CSGALNACT1: variants seen among roughly 807,000 people sequenced by gnomAD.
CSGALNACT1 encodes the protein chondroitin sulfate N-acetylgalactosaminyltransferase 1, also known as beta4GalNAcT-1.
Under a neutral mutation model 51.0 loss-of-function variants are expected in CSGALNACT1, and 52 were observed. The observed-to-expected ratio is 1.02, with a 90% CI of 0.82 to 1.29. The LOEUF is 1.29. CSGALNACT1 is among the 50% of genes most tolerant of loss of function. The probability of loss-of-function intolerance (pLI) is 0.00; values close to 1 mark genes in which losing one functional copy is unlikely to be tolerated. For missense variants in CSGALNACT1, 935 were observed against 679.2 expected (o/e 1.38, Z -4.19); for synonymous variants, 341 against 254.4 (o/e 1.34, Z -3.24).
intron 4 of CSGALNACT1, among the ~76,000 whole-genome samples, chr8:19,492,809 T>C (rs1235002897): frequency 6.6e-6 from 1 of 152,190 alleles, no homozygotes; most frequent in Admixed American, 6.5e-5. Context: ...TGGAAATTCA[T>C]CTTTATAGTA....
At chr8:19,583,787 G>C (rs1008275501) in intron 3 of CSGALNACT1, among the ~76,000 whole-genome samples, 7 of 152,106 alleles carry the variant, frequency 4.6e-5, no homozygotes, top group Admixed American at 1.3e-4. Context: ...TTTGGGGTTG[G>C]AACTGCCAAC....
At chr8:19,441,222 A>G (rs1175972293) in intron 5 of CSGALNACT1, among the ~76,000 whole-genome samples, 4 of 152,214 alleles carry the variant, frequency 2.6e-5, no homozygotes, top group African/African-American at 7.2e-5. Flanking sequence ...AAACTACTCT[A>G]AAGTTCATAT....
intron 1 of CSGALNACT1, among the ~76,000 whole-genome samples, chr8:19,672,652 T>G (rs1304874677): frequency 6.6e-6 from 1 of 152,206 alleles, no homozygotes; most frequent in Non-Finnish European, 1.5e-5. Context: ...TGCCTTACAC[T>G]GGTAACATAA....
At chr8:19,524,205 G>A (rs1038266689) in intron 3 of CSGALNACT1, among the ~76,000 whole-genome samples, 6 of 152,044 alleles carry the variant, frequency 3.9e-5, no homozygotes, top group African/African-American at 1.2e-4. Flanking sequence ...CAGGAGGATC[G>A]CTTGAGCCCA....
At chr8:19,581,421 A>C (rs1042532459) in intron 3 of CSGALNACT1, among the ~76,000 whole-genome samples, 2 of 152,208 alleles carry the variant, frequency 1.3e-5, no homozygotes, top group Non-Finnish European at 2.9e-5. Flanking sequence ...CCAAATTAAA[A>C]TGTTATATTT....
At chr8:19,520,044 G>T (rs961285402) in intron 3 of CSGALNACT1, among the ~76,000 whole-genome samples, 4 of 152,170 alleles carry the variant, frequency 2.6e-5, no homozygotes, top group African/African-American at 9.7e-5. Context: ...AGGTGAGAGG[G>T]GTTAAGAATG....
intron 1 of CSGALNACT1, among the ~76,000 whole-genome samples, chr8:19,630,045 T>C (rs1311156677): frequency 6.6e-6 from 1 of 152,106 alleles, no homozygotes; most frequent in East Asian, 1.9e-4. Context: ...ATGGATGCTA[T>C]GGCAGAGCAA....
At chr8:19,413,337 C>G (rs974515051) in intron 8 of CSGALNACT1, among the ~76,000 whole-genome samples, 1 of 152,144 alleles carries the variant, frequency 6.6e-6, no homozygotes, top group Non-Finnish European at 1.5e-5. Context: ...TAGTGTGGCA[C>G]TCGAGTTCTC....
At chr8:19,621,600 G>A (rs2053834350) in intron 1 of CSGALNACT1, among the ~76,000 whole-genome samples, 1 of 152,044 alleles carries the variant, frequency 6.6e-6, no homozygotes, top group African/African-American at 2.4e-5. Flanking sequence ...AACGTGGCAA[G>A]ACCCAGTCTC....
At chr8:19,512,010 C>T (rs1457952806) in intron 3 of CSGALNACT1, among the ~76,000 whole-genome samples, 1 of 152,246 alleles carries the variant, frequency 6.6e-6, no homozygotes, top group East Asian at 1.9e-4. Flanking sequence ...CACCAGGTCC[C>T]TCCCTCAATA....
intron 1 of CSGALNACT1, among the ~76,000 whole-genome samples, chr8:19,632,422 A>C (rs1350446106): frequency 2.0e-5 from 3 of 152,272 alleles, no homozygotes; most frequent in Admixed American, 1.3e-4. Context: ...TTAGGTGGCA[A>C]AGATGCCTAG....
At chr8:19,552,089 TA>T (rs1455262647) in intron 3 of CSGALNACT1, among the ~76,000 whole-genome samples, 1 of 152,086 alleles carries the variant, frequency 6.6e-6, no homozygotes, top group Admixed American at 6.6e-5. Flanking sequence ...TCAGATGGGA[TA>T]AAAAATAGTA....
chr8:19,433,630 G>A (rs1042342151), intron 6 of CSGALNACT1, among the ~76,000 whole-genome samples: 1 of 152,184 alleles, frequency 6.6e-6, no homozygotes, highest in Non-Finnish European at 1.5e-5. Flanking sequence ...ACAACCTTGT[G>A]AGTGGTGTCT....
intron 1 of CSGALNACT1, among the ~76,000 whole-genome samples, chr8:19,708,820 G>A (rs1271038399): frequency 1.3e-5 from 2 of 152,202 alleles, no homozygotes; most frequent in Admixed American, 1.3e-4. Flanking sequence ...AGGGGCAGGT[G>A]AGTGCTCCCT....
At chr8:19,579,250 C>T (rs535877800) in intron 3 of CSGALNACT1, among the ~76,000 whole-genome samples, 1 of 152,300 alleles carries the variant, frequency 6.6e-6, no homozygotes, top group East Asian at 1.9e-4. Flanking sequence ...CGTCACTTTC[C>T]TCTGTTCCCA....
At chr8:19,445,677 C>A (rs898667281) in intron 5 of CSGALNACT1, among the ~76,000 whole-genome samples, 1 of 152,186 alleles carries the variant, frequency 6.6e-6, no homozygotes, top group African/African-American at 2.4e-5. Context: ...CTGTGCAAAA[C>A]TGAAACTATC....
At chr8:19,690,247 C>A (rs1017582194) in intron 1 of CSGALNACT1, among the ~76,000 whole-genome samples, 1 of 152,210 alleles carries the variant, frequency 6.6e-6, no homozygotes, top group Non-Finnish European at 1.5e-5. Flanking sequence ...AATTTTACCT[C>A]TTTTCCTTCC....
Position 19,513,436 on chromosome 8 carries a change from C to CTATATATATATATA in CSGALNACT1, c.-296-7320_-296-7307dup, listed in dbSNP as rs1554650175. ...TCTCACTCTCTCTCTCTCTCTCTCT[C>CTATATATATATATA]TATATATATATATATATATATATAT... On this transcript the variant is annotated intron_variant, in intron 3 of 9. Transcript: ENST00000454498. Among the ~76,000 whole-genome samples the CTATATATATATATA allele has an allele frequency of 7.6e-3, 625 of 81,836 alleles. 13 individuals carry two copies. The highest frequency in any genetic ancestry group is 0.015 in the Middle Eastern group (2 of 136). 53.7% of individuals were successfully genotyped at this position (81,836 alleles called of 152,430 possible).
chr8:19,423,394 G>A (rs952994443), intron 6 of CSGALNACT1, among the ~76,000 whole-genome samples: 1 of 152,248 alleles, frequency 6.6e-6, no homozygotes, highest in South Asian at 2.1e-4. Flanking sequence ...GTGAACGGTA[G>A]AGACAGTGCT....
Sources: gnomAD v4.1 joint callset for allele counts (sites outside exome capture counted in the v4.1 genomes callset) on GRCh38, gnomAD v4.1.1 for gene constraint, MANE v1.5 for transcripts, NCBI Gene and HGNC (gene_info 2026-07-23, HGNC 2026-07-21) for gene names.